Variants in CDH1 observed in about 807,000 individuals in gnomAD.
CDH1 encodes cadherin 1, also known as cadherin-1.
In CDH1, 35 loss-of-function variants were observed where a neutral mutation model predicts 84.5. The ratio of observed to expected loss-of-function variants is 0.41; its 90% CI spans 0.32 to 0.55. The LOEUF is 0.55. Ranked by LOEUF, CDH1 falls within the 20% of genes least tolerant of loss-of-function variation. CDH1 has a pLI of 0.19. For synonymous variants in CDH1, 417 were observed against 439.0 expected (o/e 0.95, Z 0.63); for missense variants, 994 against 1,126.6 (o/e 0.88, Z 1.68).
At chr16:68,786,492 GC>G (rs1960048265) in intron 2 of CDH1, among the ~76,000 whole-genome samples, 1 of 145,186 alleles carries the variant, frequency 6.9e-6, no homozygotes, top group Non-Finnish European at 1.5e-5. Context: ...CTTGAAGTGA[GC>G]CCCCCAGTCT....
chr16:68,738,245 A>G (rs963742539), intron 1 of CDH1, 52 bp from the exon 2 acceptor site: 54 of 1,213,944 alleles, frequency 4.4e-5, no homozygotes, highest in Non-Finnish European at 6.1e-5. Flanking sequence ...TTCGGTGAGC[A>G]GGAGGGAACC....
intron 13 of CDH1, among the ~76,000 whole-genome samples, chr16:68,824,302 C>T (rs1227029734): frequency 6.6e-6 from 1 of 152,096 alleles, no homozygotes; most frequent in Non-Finnish European, 1.5e-5. Context: ...CGGCCAGATT[C>T]TACATTTCTA....
intron 11 of CDH1, 84 bp downstream of exon 11, chr16:68,819,509 A>G: frequency 2.2e-6 from 3 of 1,363,472 alleles, no homozygotes; most frequent in Non-Finnish European, 3.1e-6. Flanking sequence ...TGGAGGGAAG[A>G]GTTCATTCTT....
chr16:68,788,905 T>TGAGGCAG (rs1270144720), intron 2 of CDH1, among the ~76,000 whole-genome samples: 1 of 152,064 alleles, frequency 6.6e-6, no homozygotes, highest in Non-Finnish European at 1.5e-5. Flanking sequence ...CTTGGGAGGC[T>TGAGGCAG]GAGGCAGGAG....
intron 2 of CDH1, among the ~76,000 whole-genome samples, chr16:68,745,545 A>ATATGTATATATATATATGTATAT (rs1399448265): frequency 5.1e-5 from 1 of 19,442 alleles, no homozygotes; most frequent in African/African-American, 1.1e-4. Flanking sequence ...AAAAAAAAAA[A>ATATGTATATATATATATGTATAT]AAAAATATAT....
chr16:68,806,947 A>G (rs1347898637), intron 3 of CDH1, among the ~76,000 whole-genome samples: 1 of 152,220 alleles, frequency 6.6e-6, no homozygotes, highest in African/African-American at 2.4e-5. Context: ...TATCTGGTGC[A>G]TCTTCAATCT....
chr16:68,807,812 G>A (rs1960705265), intron 3 of CDH1, among the ~76,000 whole-genome samples: 1 of 152,120 alleles, frequency 6.6e-6, no homozygotes, highest in Non-Finnish European at 1.5e-5. Context: ...TGGGTGTGGT[G>A]GCTCATGCCT....
intron 2 of CDH1, among the ~76,000 whole-genome samples, chr16:68,792,724 G>A (rs1367352098): frequency 2.6e-5 from 4 of 152,194 alleles, no homozygotes; most frequent in Admixed American, 2.6e-4. Flanking sequence ...AAAAAGTCAA[G>A]GGCGATGGCT....
At chr16:68,828,089 T>G in intron 13 of CDH1, 85 bp from the exon 14 acceptor site, 2 of 1,495,736 alleles carry the variant, frequency 1.3e-6, no homozygotes, top group Non-Finnish European at 1.9e-6. Context: ...CTGTCTGGTA[T>G]GAGGGGTGCT....
At position 68,833,393 on chromosome 16, in the gene CDH1, T is replaced by C. The variant is rs767315263; in HGVS notation, c.2543T>C (p.Leu848Pro). 3.1e-6 allele frequency: 5 copies of C among 1,614,122 alleles called. No homozygotes were observed. In the South Asian group the frequency reaches 4.4e-5, roughly 14 times the overall value. Reference protein sequence around the residue: ...SGSEAASLSSLNSSESDKDQD... With the variant: ...SGSEAASLSSPNSSESDKDQD... ...TCCGAAGCTGCTAGTCTGAGCTCCC[T>C]GAACTCCTCAGAGTCAGACAAAGAC... The change falls in exon 16 of 16, where the codon CTG becomes CCG. Residue 848 changes from leucine to proline, a missense_variant. Coordinates refer to ENST00000261769, the MANE Select transcript of CDH1 (RefSeq NM_004360.5).
chr16:68,809,319 A>T (rs1159685307), intron 5 of CDH1, among the ~76,000 whole-genome samples: 1 of 149,746 alleles, frequency 6.7e-6, no homozygotes, highest in African/African-American at 2.5e-5. Context: ...CTCCTGCTTC[A>T]ACCTCCCGAG....
intron 2 of CDH1, among the ~76,000 whole-genome samples, chr16:68,754,625 A>G (rs1041579877): frequency 2.6e-5 from 4 of 152,128 alleles, no homozygotes; most frequent in Non-Finnish European, 5.9e-5. Flanking sequence ...ATAGCAGGAA[A>G]AGGCAACTCA....
chr16:68,783,374 G>A (rs1478175892), intron 2 of CDH1, among the ~76,000 whole-genome samples: 1 of 144,604 alleles, frequency 6.9e-6, no homozygotes, highest in African/African-American at 2.6e-5. Flanking sequence ...TCCAGCCTAG[G>A]TGACAGAGTA....
chr16:68,808,546 A>G lies in CDH1; in HGVS notation c.510A>G (p.Pro170=), dbSNP rs774962542. Reference sequence around the variant, plus strand: ...GCTGCCCAGAAAATGAAAAAGGCCCATTTCCTAAAAACCTGGTTCAGGTAG... The same window carrying G: ...GCTGCCCAGAAAATGAAAAAGGCCCGTTTCCTAAAAACCTGGTTCAGGTAG... The part of the protein sequence containing the change: ...PISCPENEKG[P]FPKNLVQIKS... Residue 170 remains proline, a synonymous_variant, in exon 4 of 16, where the codon CCA becomes CCG. Coordinates refer to ENST00000261769, the MANE Select transcript of CDH1 (RefSeq NM_004360.5). 16 of 1,614,038 alleles carry G rather than the reference A, an allele frequency of 9.9e-6. No homozygotes were observed. Among genetic ancestry groups the G allele is most frequent in the Non-Finnish European group, 1.4e-5 (16 of 1,180,034 alleles).
chr16:68,813,644 G>C (rs1960907032), intron 9 of CDH1, 149 bp downstream of exon 9: 1 of 817,788 alleles, frequency 1.2e-6, no homozygotes. Flanking sequence ...GGGATTTGCA[G>C]TGGCTCTTCC....
At chr16:68,782,292 T>C (rs971878971) in intron 2 of CDH1, among the ~76,000 whole-genome samples, 1 of 152,154 alleles carries the variant, frequency 6.6e-6, no homozygotes, top group African/African-American at 2.4e-5. Flanking sequence ...CCCAGGAACC[T>C]GCACACCCAC....
chr16:68,774,026 C>G (rs1887674601), intron 2 of CDH1, among the ~76,000 whole-genome samples: 1 of 152,214 alleles, frequency 6.6e-6, no homozygotes, highest in African/African-American at 2.4e-5. Flanking sequence ...AGCGATCTTC[C>G]CACCTCAGCC....
intron 10 of CDH1, among the ~76,000 whole-genome samples, chr16:68,818,601 C>T (rs1961048755): frequency 6.7e-6 from 1 of 148,892 alleles, no homozygotes; most frequent in African/African-American, 2.5e-5. Flanking sequence ...GTAATCCCAG[C>T]ACTTTGGGAG....
At chr16:68,761,146 A>C (rs1463118997) in intron 2 of CDH1, among the ~76,000 whole-genome samples, 4 of 152,218 alleles carry the variant, frequency 2.6e-5, no homozygotes, top group Non-Finnish European at 2.9e-5. Flanking sequence ...GCAGGACTGC[A>C]GAAGGACAAT....
Sources: gnomAD v4.1 joint callset for allele counts (sites outside exome capture counted in the v4.1 genomes callset) on GRCh38, gnomAD v4.1.1 for gene constraint, MANE v1.5 for transcripts, NCBI Gene and HGNC (gene_info 2026-07-23, HGNC 2026-07-21) for gene names.